The following CPM variants were observed in gnomAD, a reference collection of about 807,000 sequenced individuals.
The protein encoded by CPM is renal carboxypeptidase.
A neutral mutation model predicts 46.4 loss-of-function variants in CPM; 35 were observed. The ratio of observed to expected loss-of-function variants is 0.75; its 90% CI spans 0.58 to 1.00. The LOEUF is 1.00. Ranked by LOEUF, CPM falls within the 50% of genes least tolerant of loss-of-function variation. The probability of loss-of-function intolerance (pLI) is 0.00; values close to 1 mark genes in which losing one functional copy is unlikely to be tolerated. For missense variants in CPM, 422 were observed against 530.4 expected (o/e 0.80, Z 2.01); for synonymous variants, 195 against 195.3 (o/e 1.00, Z 0.01).
At chr12:68,883,947 A>AT (rs749660288) in intron 3 of CPM, among the ~76,000 whole-genome samples, 348 of 150,056 alleles carry the variant, frequency 2.3e-3, no homozygotes, top group Non-Finnish European at 3.5e-3. Flanking sequence ...AAAAAAAAAA[A>AT]ATACAAAAAA....
In CPM at chr12:68,949,607, G is replaced by A. The variant is rs1364272504; in HGVS notation, c.-4+13562C>T. 2.0e-5 allele frequency among the ~76,000 whole-genome samples: 3 copies of A among 152,200 alleles called. No individual in the cohort carries two copies. In the East Asian group the frequency reaches 5.8e-4, roughly 29 times the overall value. On this transcript the variant is annotated intron_variant, in intron 1 of 8. Transcript: ENST00000546373. ...GAGTTTGAGAGGGTTAAATGAGATT[G>A]TTCACATAAAGCACTCAACAATGTG...
rs763570499 is a variant in CPM at position 68,856,461 on chromosome 12, A to C, written c.1308T>G (p.Ser436Arg). ...TTTATTTGAAGAATATGTGCAAAAG[A>C]CTCACTAAAAATAAGAACAAACTAG... is the stretch of plus-strand genomic sequence containing the variant. ...TKPSLFLFLV[S>R]LLHIFFK Residue 436 changes from serine to arginine, a missense_variant, in exon 9 of 9, where the codon AGT becomes AGG. By Grantham distance (110) the Ser-to-Arg change is moderately radical (BLOSUM62 -1). Coordinates refer to ENST00000551568, the MANE Select transcript of CPM (RefSeq NM_198320.5). 6.2e-7 allele frequency: 1 copy of C among 1,614,042 alleles called. No homozygotes were observed. Among genetic ancestry groups the C allele is most frequent in the South Asian group, 1.1e-5 (1 of 91,078 alleles).
intron 1 of CPM, among the ~76,000 whole-genome samples, chr12:68,945,924 C>G (rs1662316238): frequency 7.2e-6 from 1 of 139,078 alleles, no homozygotes; most frequent in Non-Finnish European, 1.5e-5. Context: ...ATGATCAGAG[C>G]TCACTGAAGC....
chr12:68,925,101 A>G (rs186170852), intron 2 of CPM, among the ~76,000 whole-genome samples: 24 of 152,324 alleles, frequency 1.6e-4, no homozygotes, highest in African/African-American at 5.5e-4. Flanking sequence ...TACTACAATC[A>G]TCTTTCAAAG....
intron 1 of CPM, among the ~76,000 whole-genome samples, chr12:68,958,349 T>A (rs1267816800): frequency 6.6e-6 from 1 of 152,162 alleles, no homozygotes; most frequent in Non-Finnish European, 1.5e-5. Context: ...CCTCTCCAGC[T>A]TCTGTTGTTT....
At chr12:68,910,712 C>A (rs751070156) in intron 2 of CPM, among the ~76,000 whole-genome samples, 1 of 152,076 alleles carries the variant, frequency 6.6e-6, no homozygotes, top group Non-Finnish European at 1.5e-5. Flanking sequence ...GTGTACAACT[C>A]AGTGGCATTA....
At chr12:68,947,858 G>T (rs1366410302) in intron 1 of CPM, among the ~76,000 whole-genome samples, 1 of 151,756 alleles carries the variant, frequency 6.6e-6, no homozygotes, top group African/African-American at 2.4e-5. Flanking sequence ...TTGCTATGTT[G>T]CCCAGTCTAG....
Position 68,870,276 on chromosome 12 carries a change from G to C in CPM, c.555C>G (p.Leu185=). 6.2e-7 allele frequency: 1 copy of C among 1,614,194 alleles called. No homozygotes were observed. The highest frequency in any genetic ancestry group is 8.5e-7 in the Non-Finnish European group (1 of 1,180,022). The part of the protein sequence containing the change: ...MKWLKTETFV[L]SANLHGGALV... Reference sequence around the variant, plus strand: ...GGGCACCACCATGGAGGTTTGCAGAGAGGACAAACGTCTCTGTTTTCAGCC... The same window carrying C: ...GGGCACCACCATGGAGGTTTGCAGACAGGACAAACGTCTCTGTTTTCAGCC... Residue 185 remains leucine, a synonymous_variant, in exon 5 of 9, where the codon CTC becomes CTG. Coordinates refer to ENST00000551568, the MANE Select transcript of CPM (RefSeq NM_198320.5).
intron 3 of CPM, 43 bp from the exon 4 acceptor site, chr12:68,871,999 G>A: frequency 5.0e-6 from 8 of 1,605,708 alleles, no homozygotes; most frequent in Non-Finnish European, 6.8e-6. Flanking sequence ...TAGGTCAGAG[G>A]CAATAAGGAA....
chr12:68,874,642 G>T (rs750610427), intron 3 of CPM, among the ~76,000 whole-genome samples: 1 of 152,086 alleles, frequency 6.6e-6, no homozygotes, highest in Non-Finnish European at 1.5e-5. Context: ...GAAAAAGATC[G>T]TTGGTTTAAG....
chr12:68,926,864 T>C (rs1888285565), intron 2 of CPM, among the ~76,000 whole-genome samples: 1 of 152,214 alleles, frequency 6.6e-6, no homozygotes, highest in Non-Finnish European at 1.5e-5. Context: ...ATTTCCAATT[T>C]CATCCATGTC....
rs1885595736 is a variant in CPM at position 68,869,475 on chromosome 12, G to C, written c.637C>G (p.Arg213Gly). The C allele has an allele frequency of 3.1e-6, 5 of 1,609,838 alleles. No homozygotes were observed. The highest frequency in any genetic ancestry group is 2.7e-5 in the African/African-American group (2 of 74,666). ...GVQATGALYS[R>G]SLTPDDDVFQ... ...ACATCATCATCAGGCGTTAAGCTTC[G>C]GGAGTATAATGCCCCAGTTGCTGCA... The change falls in exon 6 of 9, where the codon CGA becomes GGA. Residue 213 changes from arginine to glycine, a missense_variant. By Grantham distance (125) the Arg-to-Gly change is moderately radical. Coordinates refer to ENST00000551568, the MANE Select transcript of CPM (RefSeq NM_198320.5).
chr12:68,909,129 T>C (rs1490982575), intron 2 of CPM, among the ~76,000 whole-genome samples: 2 of 152,218 alleles, frequency 1.3e-5, no homozygotes, highest in Non-Finnish European at 2.9e-5. Flanking sequence ...GGTGGGACCA[T>C]GGCCCTGGGT....
chr12:68,888,919 G>A (rs1218794353), intron 2 of CPM, among the ~76,000 whole-genome samples: 2 of 152,208 alleles, frequency 1.3e-5, no homozygotes, highest in Non-Finnish European at 2.9e-5. Flanking sequence ...GCAGACAAGT[G>A]CTACAAAATA....
At position 68,858,996 on chromosome 12, in the gene CPM, T is replaced by A. The variant is rs147258017; in HGVS notation, c.1016A>T (p.His339Leu). ...TTTGTTGGTTCTATAGGGGCAGATA[T>A]GTTTTCTGTCTTGGACTTCCACAAT... ...NVIVEVQDRK[H>L]ICPYRTNKYG... The change falls in exon 8 of 9, where the codon CAT becomes CTT. Residue 339 changes from histidine to leucine, a missense_variant. By Grantham distance (99) the His-to-Leu change is moderately conservative. Transcript: ENST00000551568. 6.3e-7 allele frequency: 1 copy of A among 1,575,966 alleles called. No homozygotes were observed. Among genetic ancestry groups the A allele is most frequent in the Non-Finnish European group, 8.6e-7 (1 of 1,160,992 alleles).
intron 2 of CPM, among the ~76,000 whole-genome samples, chr12:68,910,170 A>G (rs1008707332): frequency 2.6e-5 from 4 of 152,200 alleles, no homozygotes; most frequent in African/African-American, 2.4e-5. Flanking sequence ...TCTTCGAAAT[A>G]TCTAAAAGTT....
intron 7 of CPM, 142 bp downstream of exon 7, chr12:68,866,754 G>A (rs1307245204): frequency 1.4e-6 from 1 of 699,484 alleles, no homozygotes; most frequent in African/African-American, 1.8e-5. Flanking sequence ...CATGCAGAGA[G>A]AATTCTTAAC....
chr12:68,892,365 G>T (rs1449676402), intron 2 of CPM, among the ~76,000 whole-genome samples: 1 of 152,224 alleles, frequency 6.6e-6, no homozygotes, highest in African/African-American at 2.4e-5. Context: ...GGTTTGAGAA[G>T]TGATGGCTAT....
chr12:68,845,226 C>T (rs1330816379), intron 5 of CPM: 1 of 217,278 alleles, frequency 4.6e-6, no homozygotes, highest in Non-Finnish European at 9.2e-6. Flanking sequence ...AGTATTTCTT[C>T]AGCTTAAAAA....
Sources: gnomAD v4.1 joint callset for allele counts (sites outside exome capture counted in the v4.1 genomes callset) on GRCh38, gnomAD v4.1.1 for gene constraint, MANE v1.5 for transcripts, NCBI Gene and HGNC (gene_info 2026-07-23, HGNC 2026-07-21) for gene names.